Variants in CPNE9 observed in about 807,000 individuals in gnomAD.
CPNE9 encodes the protein copine family member 9.
Under a neutral mutation model 83.0 loss-of-function variants are expected in CPNE9, and 59 were observed. The observed-to-expected ratio is 0.71, with a 90% CI of 0.58 to 0.88. The LOEUF (loss-of-function observed/expected upper bound fraction) is 0.88. CPNE9 is among the 40% of genes least tolerant of loss of function. CPNE9 has a pLI of 0.00. For missense variants in CPNE9, 619 were observed against 720.8 expected, an observed-to-expected ratio of 0.86 and a Z score of 1.62; for synonymous variants, 256 against 273.4, an observed-to-expected ratio of 0.94 and a Z score of 0.63.
At chr3:9,712,433 TC>T in intron 7 of CPNE9, 107 bp from the exon 8 acceptor site, 2 of 864,758 alleles carry the variant, frequency 2.3e-6, no homozygotes, top group Non-Finnish European at 4.0e-6. Context: ...CAAGGGACTG[TC>T]AGTAAATGGC....
At chr3:9,709,502 T>G (rs966083369) in intron 7 of CPNE9, among the ~76,000 whole-genome samples, 7 of 150,358 alleles carry the variant, frequency 4.7e-5, no homozygotes, top group Admixed American at 4.6e-4. Context: ...CCGAGTAGCT[T>G]GGATTACAGG....
chr3:9,720,125 CAG>C (rs2076722005), intron 17 of CPNE9, among the ~76,000 whole-genome samples: 1 of 151,602 alleles, frequency 6.6e-6, no homozygotes, highest in Admixed American at 6.6e-5. Flanking sequence ...TATGAAATGA[CAG>C]AACTAAAATC....
chr3:9,708,040 G>A (rs2076581650), intron 7 of CPNE9, among the ~76,000 whole-genome samples: 2 of 152,188 alleles, frequency 1.3e-5, no homozygotes, highest in South Asian at 4.1e-4. Flanking sequence ...CTGGGCTCAA[G>A]GAATACTCCC....
chr3:9,717,892 T>G, intron 15 of CPNE9, 137 bp from the exon 16 acceptor site: 2 of 659,818 alleles, frequency 3.0e-6, no homozygotes, highest in Non-Finnish European at 5.0e-6. Flanking sequence ...AAATGGATGA[T>G]TGGGTAAAAT....
chr3:9,722,875 G>A (rs2076746469), intron 17 of CPNE9, among the ~76,000 whole-genome samples: 1 of 151,912 alleles, frequency 6.6e-6, no homozygotes, highest in Non-Finnish European at 1.5e-5. Context: ...TCTTTCTCTG[G>A]AACACTTTTC....
Position 9,704,922 on chromosome 3 carries a change from T to C in CPNE9, c.188T>C (p.Leu63Pro). The C allele has an allele frequency of 6.2e-7, 1 of 1,613,508 alleles. No homozygotes were observed. The highest frequency in any genetic ancestry group is 8.5e-7 in the Non-Finnish European group (1 of 1,179,942). Residue 63 changes from leucine (L) to proline (P), a missense_variant, in exon 4 of 21, where the codon CTG becomes CCG. Coordinates refer to ENST00000383832, the MANE Select transcript of CPNE9 (RefSeq NM_153635.3). This position sits in a 1 kb window ranked among gnomAD's most constrained non-coding sequence, Gnocchi z 7.1. ...CGGACCGAGGTGATTGATAACACGC[T>C]GAACCCAGACTTCGTGCGCAAATTC... ...FGRTEVIDNT[L>P]NPDFVRKFVL...
chr3:9,729,521 A>T lies in CPNE9; in HGVS notation c.1491A>T (p.Arg497=). ...ERDIVQFVPF[R]DYVDRSGNQV... is the part of the protein sequence containing the mutation. The stretch of plus-strand genomic sequence containing the variant: ...GCCTGACCCAGTTCGTCCCATTCCG[A>T]GACTATGTTGACCGGTCGGGGAACC... Residue 497 remains arginine (R), a synonymous_variant, in exon 21 of 21, where the codon CGA becomes CGT. Transcript: ENST00000383832. The T allele has an allele frequency of 6.2e-7, 1 of 1,613,220 alleles. No individual in the cohort carries two copies. Among genetic ancestry groups the T allele is most frequent in the Non-Finnish European group, 8.5e-7 (1 of 1,179,450 alleles).
At chr3:9,715,225 C>A in intron 11 of CPNE9, 64 bp from the exon 12 acceptor site, 1 of 1,537,946 alleles carries the variant, frequency 6.5e-7, no homozygotes, top group Non-Finnish European at 9.0e-7. Context: ...GAATAAAAGA[C>A]TGGGTTCAGC....
intron 20 of CPNE9, among the ~76,000 whole-genome samples, chr3:9,728,231 T>C (rs71314362): frequency 0.011 from 1,633 of 152,276 alleles, 16 homozygotes; most frequent in Admixed American, 0.02. Flanking sequence ...CTCATGCCTA[T>C]AATCCCAACA....
chr3:9,727,912 A>G (rs982699479), intron 20 of CPNE9, among the ~76,000 whole-genome samples: 3 of 152,172 alleles, frequency 2.0e-5, no homozygotes, highest in African/African-American at 7.2e-5. Flanking sequence ...GGGGAGGGAG[A>G]GAAAGTGGCA....
chr3:9,727,282 A>C (rs1575135945), intron 20 of CPNE9, 96 bp downstream of exon 20: 1 of 1,279,816 alleles, frequency 7.8e-7, no homozygotes, highest in African/African-American at 1.5e-5. Flanking sequence ...TCAGTCTCCT[A>C]CTTTTTTCCC....
chr3:9,706,199 G>A (rs1053012134), intron 7 of CPNE9, 136 bp downstream of exon 7: 61 of 715,076 alleles, frequency 8.5e-5, no homozygotes, highest in Non-Finnish European at 1.4e-4. Flanking sequence ...CATCACCCTC[G>A]TAGAAAAGTC....
At position 9,729,755 on chromosome 3, in the gene CPNE9, G is replaced by T; in HGVS notation, c.*63G>T. ...TGCTCACCCACTGCTTCTGCTTTAA[G>T]CCAGAGGCACCTGGAACCCTGGACT... On this transcript the variant is annotated 3_prime_UTR_variant, in exon 21 of 21. Transcript: ENST00000383832. 1 of 1,529,158 alleles carries T rather than the reference G, an allele frequency of 6.5e-7. No homozygotes were observed. The highest frequency in any genetic ancestry group is 8.8e-7 in the Non-Finnish European group (1 of 1,133,002). 94.7% of individuals were successfully genotyped at this position (1,529,158 alleles called of 1,614,324 possible). A position where few individuals can be genotyped will look rare whatever the true frequency, so the allele number is the denominator to read the frequency against.
In CPNE9 at chr3:9,712,545, G is replaced by A. The variant is rs1295513315; in HGVS notation, c.382G>A (p.Val128Ile). Residue 128 changes from valine to isoleucine, a missense_variant, in exon 8 of 21, where the codon GTA becomes ATA. Val to Ile is a conservative substitution (Grantham distance 29). Around this residue, in one of 3 missense-constraint regions of CPNE9, gnomAD observed 438 missense variants for 562.9 expected, o/e 0.78. Transcript: ENST00000383832. Reference protein sequence around the residue: ...GSRVERTLTGVPGKKCGTILL... With the variant: ...GSRVERTLTGIPGKKCGTILL... ...AGAGGCTTTTTCTGCTTCCAGGGGT[G>A]TACCAGGCAAGAAGTGTGGGACCAT... 1.9e-6 allele frequency: 3 copies of A among 1,613,938 alleles called. No homozygotes were observed. The African/African-American group carries it at 4.0e-5, about 22-fold the overall frequency.
At chr3:9,705,123 G>A (rs557284659) in intron 4 of CPNE9, 129 bp downstream of exon 4, 18 of 720,412 alleles carry the variant, frequency 2.5e-5, no homozygotes, top group Middle Eastern at 3.7e-4. Context: ...ATTCTGAATG[G>A]CCCCCTCTAG....
chr3:9,729,827 T>C lies in CPNE9; in HGVS notation c.*135T>C, dbSNP rs937811329. The C allele has an allele frequency of 7.7e-7, 1 of 1,295,768 alleles. No individual in the cohort carries two copies. The highest frequency in any genetic ancestry group is 1.0e-6 in the Non-Finnish European group (1 of 976,194). The allele number at this position is 1,295,768 out of a possible 1,614,324, so 80.3% of individuals were successfully genotyped here. A position where few individuals can be genotyped will look rare whatever the true frequency, so the allele number is the denominator to read the frequency against. ...AGGATCAGTGCTGGCTGACAAGCCC[T>C]CCGCCTCCTTGCCTGCAGAGGGCCT... On this transcript the variant is annotated 3_prime_UTR_variant, in exon 21 of 21. Coordinates refer to ENST00000383832, the MANE Select transcript of CPNE9 (RefSeq NM_153635.3).
intron 7 of CPNE9, among the ~76,000 whole-genome samples, chr3:9,708,720 C>T (rs1047151120): frequency 2.0e-5 from 3 of 151,720 alleles, no homozygotes; most frequent in Non-Finnish European, 4.4e-5. Flanking sequence ...GCAAGCTCCG[C>T]CTCCCGGGTT....
In CPNE9 at chr3:9,729,649, C is replaced by A. The variant is rs539487358; in HGVS notation, c.1619C>A (p.Pro540His). Reference sequence around the variant, plus strand: ...AGAGACATCCAGCCTCGGCCCCCACCCCCTGCCAACCCCAGCCCGATCCCA... The same window carrying A: ...AGAGACATCCAGCCTCGGCCCCCACACCCTGCCAACCCCAGCCCGATCCCA... ...RTRDIQPRPP[P>H]PANPSPIPAP... Residue 540 changes from proline (P) to histidine (H), a missense_variant, in exon 21 of 21, where the codon CCC becomes CAC. Physicochemically the swap from Pro to His is moderately conservative, Grantham distance 77. Transcript: ENST00000383832. 2.5e-6 allele frequency: 4 copies of A among 1,614,034 alleles called. No individual in the cohort carries two copies. In the South Asian group the frequency reaches 3.3e-5, roughly 13 times the overall value.
chr3:9,729,260 G>A (rs1437089893), intron 20 of CPNE9, among the ~76,000 whole-genome samples: 4 of 152,176 alleles, frequency 2.6e-5, no homozygotes, highest in East Asian at 1.9e-4. Context: ...GGCCACTGAC[G>A]ACATCAGCAA....
Sources: allele counts gnomAD v4.1 joint callset (sites outside exome capture counted in the v4.1 genomes callset), GRCh38; gene constraint gnomAD v4.1.1; regional missense constraint gnomAD v4.1.1; non-coding constraint Gnocchi (gnomAD v3.1); transcripts MANE v1.5; gene names NCBI Gene and HGNC (gene_info 2026-07-23, HGNC 2026-07-21).